MAD1L1: variants seen among roughly 807,000 people sequenced by gnomAD.
MAD1L1 encodes the protein mitotic arrest deficient 1 like 1, also known as mitotic spindle assembly checkpoint protein MAD1.
A neutral mutation model predicts 96.9 loss-of-function variants in MAD1L1; 95 were observed. The observed-to-expected ratio is 0.98, with a 90% CI of 0.83 to 1.16. MAD1L1 has a LOEUF of 1.16. Among genes scored for constraint, MAD1L1 ranks in the 50% most tolerant of loss-of-function variants. The probability of loss-of-function intolerance (pLI) is 0.00; values close to 1 mark genes in which losing one functional copy is unlikely to be tolerated. For missense variants in MAD1L1, 1,007 were observed against 954.4 expected, an observed-to-expected ratio of 1.06 and a Z score of -0.73; for synonymous variants, 473 against 396.6, an observed-to-expected ratio of 1.19 and a Z score of -2.29.
At chr7:1,931,107 G>T (rs1789449504) in intron 17 of MAD1L1, among the ~76,000 whole-genome samples, 1 of 139,070 alleles carries the variant, frequency 7.2e-6, no homozygotes, top group African/African-American at 3.2e-5. Flanking sequence ...CGCATCATGG[G>T]GTCCATGTCA....
intron 11 of MAD1L1, among the ~76,000 whole-genome samples, chr7:2,134,293 G>A (rs1427229243): frequency 6.6e-6 from 1 of 152,140 alleles, no homozygotes; most frequent in Non-Finnish European, 1.5e-5. Flanking sequence ...AATTCCCTCT[G>A]CTTGTTGCTG....
rs1170707538 is a variant in MAD1L1 at position 1,827,446 on chromosome 7, T to G, written c.1999-11218A>C. Reference sequence around the variant, plus strand: ...TCCTGAGCCCGTCGCGGGTGTGGGGTCCTCCCCTCCTGAGCCCGTCGCGGG... The same window carrying G: ...TCCTGAGCCCGTCGCGGGTGTGGGGGCCTCCCCTCCTGAGCCCGTCGCGGG... On this transcript the variant is annotated intron_variant, in intron 18 of 18. Transcript: ENST00000265854. Among the ~76,000 whole-genome samples the G allele has an allele frequency of 1.1e-3, 110 of 104,468 alleles. 4 individuals are homozygous for G. The highest frequency in any genetic ancestry group is 5.6e-3 in the Middle Eastern group (1 of 178). The allele number at this position is 104,468 out of a possible 152,430, so 68.5% of individuals were successfully genotyped here.
chr7:2,178,951 G>A (rs1232350208), intron 10 of MAD1L1, among the ~76,000 whole-genome samples: 2 of 151,622 alleles, frequency 1.3e-5, no homozygotes, highest in Admixed American at 1.3e-4. Context: ...TGATGAATTG[G>A]ATTTCATCAA....
In MAD1L1 at chr7:2,067,967, TA is replaced by T. The variant is rs551596293; in HGVS notation, c.1218+1226del. 4.1e-3 allele frequency among the ~76,000 whole-genome samples: 626 copies of T among 152,248 alleles called. 7 individuals carry two copies. Among genetic ancestry groups the T allele is most frequent in the African/African-American group, 0.014 (594 of 41,508 alleles). On this transcript the variant is annotated intron_variant, in intron 12 of 18. Coordinates refer to ENST00000265854, the MANE Select transcript of MAD1L1 (RefSeq NM_001013836.2). ...CCACGTGCACCTCACGCATCTTGCT[TA>T]GAAGCTCACACACTAGCAGACACGG... is the stretch of plus-strand genomic sequence containing the variant.
At chr7:1,895,644 G>A (rs185355287) in intron 18 of MAD1L1, among the ~76,000 whole-genome samples, 1 of 152,386 alleles carries the variant, frequency 6.6e-6, no homozygotes, top group East Asian at 1.9e-4. Flanking sequence ...ACACGGCCCA[G>A]AGCAGGCATG....
chr7:1,993,652 T>C (rs1781440865), intron 14 of MAD1L1, among the ~76,000 whole-genome samples: 1 of 152,244 alleles, frequency 6.6e-6, no homozygotes, highest in Non-Finnish European at 1.5e-5. Context: ...AAATCTATTT[T>C]CTGGGCGAAG....
At chr7:2,117,646 C>T (rs1339044055) in intron 11 of MAD1L1, among the ~76,000 whole-genome samples, 2 of 152,164 alleles carry the variant, frequency 1.3e-5, no homozygotes, top group African/African-American at 2.4e-5. Flanking sequence ...TAAAGAAGGA[C>T]GTGTTTGCTT....
chr7:1,914,365 A>G (rs1021938071), intron 17 of MAD1L1, among the ~76,000 whole-genome samples: 1 of 152,216 alleles, frequency 6.6e-6, no homozygotes, highest in Non-Finnish European at 1.5e-5. Context: ...GTGGCCCGCT[A>G]CAATCACGCG....
intron 18 of MAD1L1, among the ~76,000 whole-genome samples, chr7:1,887,749 G>A (rs1021633417): frequency 6.6e-6 from 1 of 151,458 alleles, no homozygotes; most frequent in Non-Finnish European, 1.5e-5. Context: ...TCCTGTGCAT[G>A]TGTCCATGTG....
At chr7:2,165,507 C>T (rs1016499502) in intron 10 of MAD1L1, among the ~76,000 whole-genome samples, 9 of 132,442 alleles carry the variant, frequency 6.8e-5, no homozygotes, top group African/African-American at 2.0e-4. Flanking sequence ...TGCTGCCTGC[C>T]GCACTCCAGC....
At chr7:1,937,353 CCA>C (rs1778668936) in intron 16 of MAD1L1, among the ~76,000 whole-genome samples, 1 of 152,334 alleles carries the variant, frequency 6.6e-6, no homozygotes, top group South Asian at 2.1e-4. Context: ...ACAAGGTCAA[CCA>C]CACAGAGATG....
At chr7:1,938,922 CACACACAT>C in intron 16 of MAD1L1, among the ~76,000 whole-genome samples, 2 of 136,920 alleles carry the variant, frequency 1.5e-5, no homozygotes, top group Non-Finnish European at 3.1e-5. Flanking sequence ...CACACACACA[CACACACAT>C]ACAGGCCAGG....
chr7:2,189,092 C>T (rs1218851843), intron 10 of MAD1L1, among the ~76,000 whole-genome samples: 1 of 152,122 alleles, frequency 6.6e-6, no homozygotes, highest in African/African-American at 2.4e-5. Flanking sequence ...CACCACTAAT[C>T]ATTAGGGAAA....
At chr7:2,176,993 G>A (rs1790978903) in intron 10 of MAD1L1, among the ~76,000 whole-genome samples, 2 of 152,214 alleles carry the variant, frequency 1.3e-5, no homozygotes, top group Non-Finnish European at 2.9e-5. Flanking sequence ...CAGGTGAACT[G>A]TGAATCGCTA....
chr7:2,194,580 T>C (rs564524786), intron 10 of MAD1L1, among the ~76,000 whole-genome samples: 2 of 152,260 alleles, frequency 1.3e-5, no homozygotes, highest in African/African-American at 4.8e-5. Context: ...AGCCAACTAA[T>C]TGTAACAGAG....
chr7:1,979,465 T>C (rs1482148440), intron 15 of MAD1L1, among the ~76,000 whole-genome samples: 1 of 152,214 alleles, frequency 6.6e-6, no homozygotes, highest in Non-Finnish European at 1.5e-5. Context: ...ATACTCGGGT[T>C]GCCCCACAGC....
At chr7:2,022,001 G>A (rs955500262) in intron 12 of MAD1L1, among the ~76,000 whole-genome samples, 5 of 151,908 alleles carry the variant, frequency 3.3e-5, no homozygotes, top group Non-Finnish European at 7.4e-5. Context: ...TGTTGCCCAG[G>A]CTGGAGTGCA....
At chr7:1,865,886 C>T (rs1040605013) in intron 18 of MAD1L1, among the ~76,000 whole-genome samples, 4 of 152,238 alleles carry the variant, frequency 2.6e-5, no homozygotes, top group African/African-American at 9.6e-5. Context: ...AGATGACAGC[C>T]TCTAGTGAGC....
At chr7:1,997,278 C>T (rs556814362) in intron 14 of MAD1L1, among the ~76,000 whole-genome samples, 54 of 152,298 alleles carry the variant, frequency 3.5e-4, no homozygotes, top group African/African-American at 1.3e-3. Flanking sequence ...GGCTGGGAGA[C>T]GGGACGGGCA....
Sources: gnomAD v4.1 joint callset for allele counts (sites outside exome capture counted in the v4.1 genomes callset) on GRCh38, gnomAD v4.1.1 for gene constraint, MANE v1.5 for transcripts, NCBI Gene and HGNC (gene_info 2026-07-23, HGNC 2026-07-21) for gene names.